MED13L: variants seen among roughly 807,000 people sequenced by gnomAD.
The protein encoded by MED13L is mediator complex subunit 13L.
Under a neutral mutation model 220.9 loss-of-function variants are expected in MED13L, and 7 were observed. That is an observed-to-expected ratio of 0.03 (90% CI 0.02 to 0.06). The LOEUF (loss-of-function observed/expected upper bound fraction) is 0.06, where lower values mean the gene tolerates loss of function less well. MED13L is among the 10% of genes least tolerant of loss of function. The pLI is 1.00. For synonymous variants in MED13L, 1,011 were observed against 1,015.2 expected (o/e 1.00, Z 0.08); for missense variants, 1,965 against 2,760.5 (o/e 0.71, Z 6.46).
chr12:116,226,577 A>G (rs1240583881), intron 2 of MED13L, among the ~76,000 whole-genome samples: 1 of 152,190 alleles, frequency 6.6e-6, no homozygotes, highest in Non-Finnish European at 1.5e-5. Context: ...CTATACTTAA[A>G]ACAGATTTCG....
Position 116,096,696 on chromosome 12 carries a change from T to C in MED13L, c.452A>G (p.Glu151Gly). Residue 151 changes from glutamate (E) to glycine (G), a missense_variant, in exon 4 of 31, where the codon GAA (glutamate) becomes GGA (glycine). Around this residue, in one of 10 missense-constraint regions of MED13L, gnomAD observed 818 missense variants for 1,041.2 expected, o/e 0.79. Transcript: ENST00000281928. The stretch of plus-strand genomic sequence containing the variant: ...TTTGTTGACTGGCTTTTCATCCTTT[T>C]CGTAGGGTCGGACAAACCATTTCCC... ...RIGKWFVRPYEKDEKPVNKSE... is the reference protein window; with the variant it reads ...RIGKWFVRPYGKDEKPVNKSE... The C allele has an allele frequency of 1.2e-6, 2 of 1,614,058 alleles. No individual in the cohort carries two copies. The highest frequency in any genetic ancestry group is 1.7e-6 in the Non-Finnish European group (2 of 1,179,992).
intron 2 of MED13L, among the ~76,000 whole-genome samples, chr12:116,160,490 T>C (rs562403738): frequency 6.6e-6 from 1 of 152,036 alleles, no homozygotes; most frequent in East Asian, 1.9e-4. Flanking sequence ...CTATGGAAAC[T>C]GGACAAGTCA....
rs568183455 is a variant in MED13L, at chr12:116,161,505, T to C, written c.311-49993A>G. 1.9e-3 allele frequency among the ~76,000 whole-genome samples: 294 copies of C among 152,188 alleles called. 1 individual carries two copies. Among genetic ancestry groups the C allele is most frequent in the African/African-American group, 6.8e-3 (281 of 41,500 alleles). On this transcript the variant is annotated intron_variant, in intron 2 of 30. Transcript: ENST00000281928. ...ATCAATAAGAAATCAGATAAAGCAA[T>C]TACATTTAATAAATATTTACTGAGT...
At position 116,064,902 on chromosome 12, in the gene MED13L, C is replaced by T. The variant is rs928560909; in HGVS notation, c.479+31767G>A. 3.9e-5 allele frequency among the ~76,000 whole-genome samples: 6 copies of T among 152,148 alleles called. No homozygotes were observed. The South Asian group carries it at 8.3e-4, about 21-fold the overall frequency. On this transcript the variant is annotated intron_variant, in intron 4 of 30. Transcript: ENST00000281928. Reference sequence around the variant, plus strand: ...ACTGTTACATCCCCAGCATCTAGCACAATGTGTGGCATATAGTCCGCTTTA... The same window carrying T: ...ACTGTTACATCCCCAGCATCTAGCATAATGTGTGGCATATAGTCCGCTTTA...
At chr12:116,126,322 G>A (rs984766354) in intron 2 of MED13L, among the ~76,000 whole-genome samples, 11 of 152,182 alleles carry the variant, frequency 7.2e-5, no homozygotes, top group Non-Finnish European at 1.5e-4. Context: ...TGGCTAGAAT[G>A]GCATTTTGGT....
At chr12:116,001,878 G>T (rs1878767490) in intron 14 of MED13L, among the ~76,000 whole-genome samples, 1 of 152,220 alleles carries the variant, frequency 6.6e-6, no homozygotes, top group South Asian at 2.1e-4. Context: ...TGGCAATGCT[G>T]CTAACTAGCA....
At chr12:116,248,172 A>AT (rs1415937071) in intron 1 of MED13L, among the ~76,000 whole-genome samples, 1 of 152,276 alleles carries the variant, frequency 6.6e-6, no homozygotes, top group Non-Finnish European at 1.5e-5. Context: ...AAGCCATGTG[A>AT]TAAAAATAAC....
intron 1 of MED13L, among the ~76,000 whole-genome samples, chr12:116,247,237 TA>T (rs34866444): frequency 0.096 from 13,930 of 144,778 alleles, 729 homozygotes; most frequent in East Asian, 0.22. Context: ...AGCTCTGCTT[TA>T]AAAAAAAAAA....
At chr12:116,171,423 A>G (rs544404628) in intron 2 of MED13L, among the ~76,000 whole-genome samples, 20 of 152,336 alleles carry the variant, frequency 1.3e-4, no homozygotes, top group Middle Eastern at 3.4e-3. Flanking sequence ...CTTCTTATGG[A>G]ATAACATGAA....
chr12:116,223,637 G>A (rs1422185132), intron 2 of MED13L, among the ~76,000 whole-genome samples: 1 of 152,172 alleles, frequency 6.6e-6, no homozygotes, highest in Non-Finnish European at 1.5e-5. Context: ...CCGGGAGGTG[G>A]AGGTTGCGGT....
intron 2 of MED13L, among the ~76,000 whole-genome samples, chr12:116,185,660 TTTCTTTTC>T (rs1345910515): frequency 1.6e-4 from 2 of 12,202 alleles, no homozygotes; most frequent in South Asian, 7.7e-3. Context: ...ATGCTTTTCT[TTTCTTTTC>T]TTTTCTTTTC....
At chr12:116,061,967 C>T (rs1441704406) in intron 4 of MED13L, among the ~76,000 whole-genome samples, 3 of 148,926 alleles carry the variant, frequency 2.0e-5, no homozygotes, top group African/African-American at 7.5e-5. Flanking sequence ...GAGATCACAC[C>T]GCTGCACTCC....
chr12:115,976,602 T>C (rs1170171413), intron 23 of MED13L, among the ~76,000 whole-genome samples: 3 of 152,248 alleles, frequency 2.0e-5, no homozygotes, highest in Admixed American at 1.3e-4. Context: ...AGTACACTTA[T>C]GATTGAGTAC....
intron 3 of MED13L, among the ~76,000 whole-genome samples, chr12:116,102,698 T>C (rs1205170291): frequency 1.7e-5 from 1 of 57,430 alleles, no homozygotes; most frequent in Non-Finnish European, 4.5e-5. Context: ...TTTCTTTTTC[T>C]TTTTCTTTTT....
intron 16 of MED13L, among the ~76,000 whole-genome samples, chr12:115,993,926 T>C (rs182779789): frequency 7.2e-4 from 109 of 152,272 alleles, no homozygotes; most frequent in Admixed American, 4.7e-3. Context: ...TGCAGGGGTA[T>C]TGCATGTGAC....
At chr12:116,204,385 C>T (rs750283346) in intron 2 of MED13L, among the ~76,000 whole-genome samples, 3 of 152,212 alleles carry the variant, frequency 2.0e-5, no homozygotes, top group East Asian at 1.9e-4. Context: ...GTAGCTACTA[C>T]GCAGGAAGAA....
chr12:115,960,265 G>C lies in MED13L; in HGVS notation c.*1001C>G, dbSNP rs1395341582. On this transcript the variant is annotated 3_prime_UTR_variant, in exon 31 of 31. Coordinates refer to ENST00000281928, the MANE Select transcript of MED13L (RefSeq NM_015335.5). ...ACATAAGTCCCTTTTGATCTAATGA[G>C]AGGAGAGACCTGGCTTCCAATAAGA... The C allele has an allele frequency of 6.6e-6, 1 of 152,598 alleles. No homozygotes were observed. The highest frequency in any genetic ancestry group is 2.4e-5 in the African/African-American group (1 of 41,434). The allele number at this position is 152,598 out of a possible 1,614,324, so 9.5% of individuals were successfully genotyped here. A position where few individuals can be genotyped will look rare whatever the true frequency, so the allele number is the denominator to read the frequency against.
In MED13L at chr12:116,019,401, T is replaced by A. The variant is rs1327315022; in HGVS notation, c.832A>T (p.Met278Leu). 6 of 1,613,716 alleles carry A rather than the reference T, an allele frequency of 3.7e-6. No individual in the cohort carries two copies. The African/African-American group carries it at 5.3e-5, about 14-fold the overall frequency. The change falls in exon 7 of 31, where the codon ATG (methionine) becomes TTG (leucine). Residue 278 changes from methionine (M) to leucine (L), a missense_variant. This residue lies in a region of MED13L where 818 missense variants were observed against 1,041.2 expected (regional missense o/e 0.79). Coordinates refer to ENST00000281928, the MANE Select transcript of MED13L (RefSeq NM_015335.5). ...AAAACAAATGCTGAAGGGTAAACCA[T>A]CCGAACACCACCTATAAGCAAAGAG... Reference protein sequence around the residue: ...AVEVIVGGVRMVYPSAFVLIS... With the variant: ...AVEVIVGGVRLVYPSAFVLIS...
rs569774765 is a variant in MED13L at position 116,059,510 on chromosome 12, C to A, written c.480-36909G>T. On this transcript the variant is annotated intron_variant, in intron 4 of 30. Transcript: ENST00000281928. ...TTGGCTCACTGCAACCTCCGCCTCC[C>A]GGGTTCAAGCAATTCTCCTGAGTCA... is the stretch of plus-strand genomic sequence containing the variant. Among the ~76,000 whole-genome samples, 142 of 151,824 alleles carry A rather than the reference C, an allele frequency of 9.4e-4. 7 individuals are homozygous for A. In the South Asian group the frequency reaches 0.028, roughly 30 times the overall value.
Sources: allele counts gnomAD v4.1 joint callset (sites outside exome capture counted in the v4.1 genomes callset), GRCh38; gene constraint gnomAD v4.1.1; regional missense constraint gnomAD v4.1.1; transcripts MANE v1.5; gene names NCBI Gene and HGNC (gene_info 2026-07-23, HGNC 2026-07-21).